Variants in GALC observed in about 807,000 individuals in gnomAD.
GALC encodes galactocerebrosidase.
GALC carries 77 observed loss-of-function variants against 91.8 expected under a neutral mutation model. The observed-to-expected ratio is 0.84, with a 90% CI of 0.70 to 1.01. GALC has a LOEUF of 1.01. GALC is among the 50% of genes least tolerant of loss of function. The pLI, the probability that GALC is intolerant of heterozygous loss-of-function variation, is 0.00. For missense variants in GALC, 882 were observed against 855.9 expected (o/e 1.03, Z -0.38); for synonymous variants, 357 against 306.7 (o/e 1.16, Z -1.71).
At chr14:87,940,255 G>A (rs1884778216) in intron 15 of GALC, among the ~76,000 whole-genome samples, 1 of 151,892 alleles carries the variant, frequency 6.6e-6, no homozygotes, top group African/African-American at 2.4e-5. Context: ...AAAAACCAGT[G>A]ATAGTATGAG....
chr14:87,947,655 G>A, intron 13 of GALC, 73 bp downstream of exon 13: 1 of 1,436,290 alleles, frequency 7.0e-7, no homozygotes, highest in Admixed American at 1.7e-5. Flanking sequence ...CATGCACCCA[G>A]TTTGACAGGT....
chr14:87,936,320 T>C (rs1884564937), intron 16 of GALC, among the ~76,000 whole-genome samples: 1 of 152,070 alleles, frequency 6.6e-6, no homozygotes, highest in South Asian at 2.1e-4. Context: ...ACAAGTTTAT[T>C]ATCTCAGGAT....
In GALC at chr14:87,993,047, C is replaced by A; in HGVS notation, c.118G>T (p.Gly40Cys). ...GAGTCGTCGAGCACGTACGCGCCGC[C>A]GGGCGCCAGCAGCGCACACAGCAGC... ...PLLLCALLAP[G>C]GAYVLDDSDG... The change falls in exon 1 of 17, where the codon GGC becomes TGC. Residue 40 changes from glycine (G) to cysteine (C), a missense_variant. Gly to Cys is a radical substitution (Grantham distance 159). Coordinates refer to ENST00000261304, the MANE Select transcript of GALC (RefSeq NM_000153.4). The A allele has an allele frequency of 6.4e-7, 1 of 1,557,552 alleles. No homozygotes were observed. Among genetic ancestry groups the A allele is most frequent in the South Asian group, 1.2e-5 (1 of 85,360 alleles).
rs149166887 is a variant in GALC, at chr14:87,966,486, A to G, written c.909-857T>C. Among the ~76,000 whole-genome samples the G allele has an allele frequency of 2.0e-5, 3 of 150,860 alleles. No individual in the cohort carries two copies. In the Admixed American group the frequency reaches 2.0e-4, roughly 10 times the overall value. Reference sequence around the variant, plus strand: ...CCCACAGAATTTTATTTTTCCTATCAAGTCCTCATCCAGTATAAAAAAAAG... The same window carrying G: ...CCCACAGAATTTTATTTTTCCTATCGAGTCCTCATCCAGTATAAAAAAAAG... On this transcript the variant is annotated intron_variant, in intron 8 of 16. Coordinates refer to ENST00000261304, the MANE Select transcript of GALC (RefSeq NM_000153.4).
At chr14:87,975,575 C>T (rs59647005) in intron 7 of GALC, among the ~76,000 whole-genome samples, 4,413 of 151,964 alleles carry the variant, frequency 0.029, 245 homozygotes, top group South Asian at 0.19. Flanking sequence ...TAGATAGACG[C>T]ATGGATGAAG....
At chr14:87,988,285 G>T in intron 2 of GALC, 78 bp from the exon 3 acceptor site, 1 of 1,397,716 alleles carries the variant, frequency 7.2e-7, no homozygotes, top group East Asian at 2.3e-5. Flanking sequence ...ACTGCCTTAG[G>T]TTTTACAGAC....
Position 87,945,735 on chromosome 14 carries a change from T to C in GALC, c.1490-2A>G. ...GAGCTTCACTAAAAAATGGGTAATC[T>C]GTTCAGAATGTAAGAAATTCTCTGT... On this transcript the variant is annotated splice_acceptor_variant, in intron 13 of 16. Transcript: ENST00000261304. LOFTEE classifies it high-confidence loss of function. 6.2e-7 allele frequency: 1 copy of C among 1,604,712 alleles called. No homozygotes were observed. The highest frequency in any genetic ancestry group is 1.3e-5 in the African/African-American group (1 of 74,718).
Position 87,976,359 on chromosome 14 carries a change from C to T in GALC, c.751G>A (p.Gly251Arg). The T allele has an allele frequency of 6.2e-7, 1 of 1,613,944 alleles. No individual in the cohort carries two copies. Among genetic ancestry groups the T allele is most frequent in the Non-Finnish European group, 8.5e-7 (1 of 1,179,972 alleles). The change falls in exon 7 of 17, where the codon GGG (glycine) becomes AGG (arginine). Residue 251 changes from glycine to arginine, a missense_variant and splice_region_variant. Transcript: ENST00000261304. ...TTTTCCAAGTAAAACATGCCTTACCCTATAACATCAACCACCTTGAAGAGT... is the reference window on the plus strand; with the variant it reads ...TTTTCCAAGTAAAACATGCCTTACCTTATAACATCAACCACCTTGAAGAGT... ...AELFKVVDVI[G>R]AHYPGTHSAK... is the part of the protein sequence containing the mutation.
chr14:87,976,604 CTTTT>C (rs1595226541), intron 6 of GALC, 116 bp from the exon 7 acceptor site: 2 of 884,972 alleles, frequency 2.3e-6, no homozygotes, highest in East Asian at 5.2e-5. Flanking sequence ...ATAATAGCTT[CTTTT>C]GTTTGTTTGT....
chr14:87,934,751 AG>A lies in GALC; in HGVS notation c.2038del (p.Val681TrpfsTer8). ...TAAGTATTAGCGTGTGGCTTCCACA[AG>A]AAAGTTGTCAAACTGTGCAAATTCA... ...SFEFAQFDNF[L>X]VEATR On this transcript the variant is annotated frameshift_variant, in exon 17 of 17. Transcript: ENST00000261304. LOFTEE classifies it high-confidence loss of function. 1 of 1,613,248 alleles carries A rather than the reference AG, an allele frequency of 6.2e-7. No homozygotes were observed. Among genetic ancestry groups the A allele is most frequent in the Non-Finnish European group, 8.5e-7 (1 of 1,179,420 alleles).
chr14:87,967,656 A>T (rs1171317042), intron 8 of GALC, among the ~76,000 whole-genome samples: 1 of 152,196 alleles, frequency 6.6e-6, no homozygotes, highest in Non-Finnish European at 1.5e-5. Context: ...CTGTTTTTTA[A>T]ACAAACAATT....
Position 87,934,273 on chromosome 14 carries a change from T to C in GALC, c.*459A>G. The C allele has an allele frequency of 1.5e-6, 2 of 1,313,578 alleles. No homozygotes were observed. The highest frequency in any genetic ancestry group is 1.9e-6 in the Non-Finnish European group (2 of 1,028,086). 81.4% of individuals were successfully genotyped at this position (1,313,578 alleles called of 1,614,324 possible). A position where few individuals can be genotyped will look rare whatever the true frequency, so the allele number is the denominator to read the frequency against. On this transcript the variant is annotated 3_prime_UTR_variant, in exon 17 of 17. Coordinates refer to ENST00000261304, the MANE Select transcript of GALC (RefSeq NM_000153.4). Reference sequence around the variant, plus strand: ...GGTTTTCAAAAAGCTACTTCTAGTGTTCTTCAGCTTTCTATTATGGCAGCA... The same window carrying C: ...GGTTTTCAAAAAGCTACTTCTAGTGCTCTTCAGCTTTCTATTATGGCAGCA...
intron 10 of GALC, chr14:87,955,223 A>C: frequency 1.0e-6 from 1 of 991,290 alleles, no homozygotes; most frequent in Non-Finnish European, 1.6e-6. Context: ...AAGAAATGGC[A>C]GGCATTTCAA....
Position 87,949,917 on chromosome 14 carries a change from C to T in GALC, c.1266G>A (p.Glu422=), listed in dbSNP as rs1466698119. The part of the protein sequence containing the change: ...VLKGSFSEIP[E]LQVWYTKLGK... ...CAAGTTTGGTATACCATACCTGTAG[C>T]TCTGGTATTTCACTCTGTAAAGAAA... The change falls in exon 12 of 17, where the codon GAG becomes GAA. Residue 422 remains glutamate, a synonymous_variant. Transcript: ENST00000261304. 1.9e-6 allele frequency: 3 copies of T among 1,568,976 alleles called. No individual in the cohort carries two copies. The highest frequency in any genetic ancestry group is 2.6e-6 in the Non-Finnish European group (3 of 1,139,730).
At chr14:87,947,591 T>C (rs1427184262) in intron 13 of GALC, 137 bp downstream of exon 13, 3 of 825,608 alleles carry the variant, frequency 3.6e-6, no homozygotes, top group Non-Finnish European at 6.2e-6. Flanking sequence ...GCCCTCCTTT[T>C]ACCGCATATG....
intron 10 of GALC, chr14:87,952,545 A>T (rs1482587541): frequency 1.2e-6 from 1 of 858,404 alleles, no homozygotes; most frequent in Non-Finnish European, 1.9e-6. Flanking sequence ...TCCACTAAAA[A>T]TGACAGTATC....
Position 87,988,223 on chromosome 14 carries a change from A to C in GALC, c.265-16T>G. Reference sequence around the variant, plus strand: ...CAAAATTCGGCTGTGAAAAGAAGTAACAGTATTAACATAGTGTTGTATTGT... The same window carrying C: ...CAAAATTCGGCTGTGAAAAGAAGTACCAGTATTAACATAGTGTTGTATTGT... On this transcript the variant is annotated splice_polypyrimidine_tract_variant and intron_variant, in intron 2 of 16. Coordinates refer to ENST00000261304, the MANE Select transcript of GALC (RefSeq NM_000153.4). 6.2e-7 allele frequency: 1 copy of C among 1,604,828 alleles called. No individual in the cohort carries two copies. Among genetic ancestry groups the C allele is most frequent in the Non-Finnish European group, 8.5e-7 (1 of 1,171,872 alleles).
At chr14:87,988,264 A>C in intron 2 of GALC, 57 bp from the exon 3 acceptor site, 1 of 1,455,590 alleles carries the variant, frequency 6.9e-7, no homozygotes, top group Admixed American at 1.7e-5. Context: ...GCTTCAAGAC[A>C]ATTACTAATT....
intron 10 of GALC, chr14:87,959,792 C>T (rs890390550): frequency 4.0e-5 from 6 of 151,846 alleles, no homozygotes; most frequent in African/African-American, 1.5e-4. Context: ...TATATATCCC[C>T]CCAAAATAAA....
Sources: allele counts gnomAD v4.1 joint callset (sites outside exome capture counted in the v4.1 genomes callset), GRCh38; gene constraint gnomAD v4.1.1; transcripts MANE v1.5; gene names NCBI Gene and HGNC (gene_info 2026-07-23, HGNC 2026-07-21).